The following EML4 variants were observed in gnomAD, a reference collection of about 807,000 sequenced individuals.
The protein encoded by EML4 is echinoderm microtubule-associated protein-like 4.
EML4 carries 72 observed loss-of-function variants against 129.0 expected under a neutral mutation model. The ratio of observed to expected loss-of-function variants is 0.56; its 90% CI spans 0.46 to 0.68. The LOEUF is 0.68. Ranked by LOEUF, EML4 falls within the 30% of genes least tolerant of loss-of-function variation. The pLI, the probability that EML4 is intolerant of heterozygous loss-of-function variation, is 0.00. For synonymous variants in EML4, 532 were observed against 405.0 expected, an observed-to-expected ratio of 1.31 and a Z score of -3.77; for missense variants, 1,363 against 1,190.6, an observed-to-expected ratio of 1.14 and a Z score of -2.13.
At chr2:42,254,635 C>T (rs539939154) in intron 2 of EML4, among the ~76,000 whole-genome samples, 116 of 148,664 alleles carry the variant, frequency 7.8e-4, no homozygotes, top group African/African-American at 2.6e-3. Flanking sequence ...TTTTTTTTAA[C>T]CTGAAAATAA....
At chr2:42,219,094 A>G (rs1173534605) in intron 1 of EML4, among the ~76,000 whole-genome samples, 2 of 152,248 alleles carry the variant, frequency 1.3e-5, no homozygotes, top group African/African-American at 2.4e-5. Context: ...ACTCTTGGCC[A>G]TGAAGAACCC....
intron 2 of EML4, among the ~76,000 whole-genome samples, chr2:42,252,437 C>G (rs1400390595): frequency 6.6e-6 from 1 of 152,212 alleles, no homozygotes; most frequent in Non-Finnish European, 1.5e-5. Flanking sequence ...TCTCAGACCA[C>G]TGCCCTGAAA....
At chr2:42,216,400 A>C (rs1361411859) in intron 1 of EML4, among the ~76,000 whole-genome samples, 2 of 149,868 alleles carry the variant, frequency 1.3e-5, no homozygotes, top group East Asian at 3.9e-4. Context: ...GTGCCACCAC[A>C]CCTGGCTAAT....
At chr2:42,327,966 C>G (rs1269011659) in intron 21 of EML4, among the ~76,000 whole-genome samples, 1 of 152,100 alleles carries the variant, frequency 6.6e-6, no homozygotes, top group East Asian at 1.9e-4. Flanking sequence ...AACACAAGTG[C>G]TATCAAGACA....
At chr2:42,224,750 G>A (rs1673844075) in intron 1 of EML4, among the ~76,000 whole-genome samples, 6 of 151,990 alleles carry the variant, frequency 3.9e-5, no homozygotes, top group Admixed American at 3.9e-4. Context: ...GTGTGAAGTG[G>A]CATCTCATTA....
chr2:42,191,522 A>C (rs995070118), intron 1 of EML4, among the ~76,000 whole-genome samples: 1 of 152,144 alleles, frequency 6.6e-6, no homozygotes, highest in Non-Finnish European at 1.5e-5. Flanking sequence ...CTCATTTAGA[A>C]CCAATGTTTA....
intron 17 of EML4, among the ~76,000 whole-genome samples, chr2:42,313,793 G>A (rs1014366468): frequency 2.0e-5 from 3 of 152,022 alleles, no homozygotes; most frequent in African/African-American, 4.8e-5. Context: ...TCTGGGCGTG[G>A]TGGCACACGC....
chr2:42,286,928 G>A (rs1175796220), intron 10 of EML4, among the ~76,000 whole-genome samples: 1 of 152,078 alleles, frequency 6.6e-6, no homozygotes, highest in African/African-American at 2.4e-5. Context: ...AAGTGTTGAG[G>A]CTTTATTCTA....
intron 2 of EML4, among the ~76,000 whole-genome samples, chr2:42,249,041 C>T (rs1363942532): frequency 6.6e-6 from 1 of 152,074 alleles, no homozygotes; most frequent in African/African-American, 2.4e-5. Context: ...TCGTTGAAAG[C>T]AATTGGAATT....
At chr2:42,198,521 A>C (rs1572526351) in intron 1 of EML4, among the ~76,000 whole-genome samples, 1 of 152,184 alleles carries the variant, frequency 6.6e-6, no homozygotes, top group South Asian at 2.1e-4. Flanking sequence ...TCTTATGGGC[A>C]ACATAGTGAG....
rs1670129489 is a variant in EML4 at position 42,332,035 on chromosome 2, G to GT, written c.*1829dup. 1 of 222,678 alleles carries GT rather than the reference G, an allele frequency of 4.5e-6. No individual in the cohort carries two copies. Among genetic ancestry groups the GT allele is most frequent in the Non-Finnish European group, 9.0e-6 (1 of 111,200 alleles). The allele number at this position is 222,678 out of a possible 1,614,324, so 13.8% of individuals were successfully genotyped here. A position where few individuals can be genotyped will look rare whatever the true frequency, so the allele number is the denominator to read the frequency against. On this transcript the variant is annotated 3_prime_UTR_variant, in exon 23 of 23. Transcript: ENST00000318522. ...TGTACATACTTATCGGAGCGCGCCAGTAAGTATCAGGCATATATATCTGTC... is the reference window on the plus strand; with the variant it reads ...TGTACATACTTATCGGAGCGCGCCAGTTAAGTATCAGGCATATATATCTGTC...
chr2:42,302,759 C>G (rs1668363280), intron 14 of EML4, among the ~76,000 whole-genome samples: 1 of 152,134 alleles, frequency 6.6e-6, no homozygotes, highest in Non-Finnish European at 1.5e-5. Flanking sequence ...GTCTCGAACT[C>G]CTGACCTCAG....
At chr2:42,177,791 A>G (rs77133981) in intron 1 of EML4, among the ~76,000 whole-genome samples, 17,163 of 152,186 alleles carry the variant, frequency 0.11, 1,048 homozygotes, top group Middle Eastern at 0.22. Context: ...GGTTTTTGAA[A>G]TCAGTTTAGT....
At chr2:42,171,543 A>G (rs1170437466) in intron 1 of EML4, among the ~76,000 whole-genome samples, 1 of 152,248 alleles carries the variant, frequency 6.6e-6, no homozygotes, top group Admixed American at 6.5e-5. Flanking sequence ...CGAGAGATGA[A>G]GATGAATTGC....
intron 2 of EML4, among the ~76,000 whole-genome samples, chr2:42,248,568 G>C (rs1373881897): frequency 6.6e-6 from 1 of 152,078 alleles, no homozygotes; most frequent in Admixed American, 6.6e-5. Flanking sequence ...TCTCTAAAGT[G>C]AGTCTAGGAT....
chr2:42,222,407 A>T (rs1443838025), intron 1 of EML4, among the ~76,000 whole-genome samples: 1 of 152,104 alleles, frequency 6.6e-6, no homozygotes, highest in African/African-American at 2.4e-5. Flanking sequence ...ATATTTCATG[A>T]CTCATTAAAG....
At chr2:42,304,383 T>TA (rs1668474043) in intron 16 of EML4, 101 bp from the exon 17 acceptor site, 11 of 807,276 alleles carry the variant, frequency 1.4e-5, no homozygotes, top group Non-Finnish European at 2.1e-5. Context: ...GATTGAAATG[T>TA]TATGTTTGAA....
chr2:42,330,019 C>A lies in EML4; in HGVS notation c.2758C>A (p.Pro920Thr), dbSNP rs779628494. 12 of 1,613,618 alleles carry A rather than the reference C, an allele frequency of 7.4e-6. No individual in the cohort carries two copies. The East Asian group carries it at 2.7e-4, about 36-fold the overall frequency. Reference protein sequence around the residue: ...AEEESRISSSPTLLENSLEQT... With the variant: ...AEEESRISSSTTLLENSLEQT... ...AGAGGAAAGTAGAATAAGCAGTTCT[C>A]CCACACTTCTGGAGAACAGCCTGGA... Residue 920 changes from proline (P) to threonine (T), a missense_variant, in exon 23 of 23, where the codon CCC (proline) becomes ACC (threonine). Physicochemically the swap from Pro to Thr is conservative, Grantham distance 38. Transcript: ENST00000318522.
At chr2:42,279,928 C>T (rs1200098167) in intron 6 of EML4, among the ~76,000 whole-genome samples, 1 of 152,004 alleles carries the variant, frequency 6.6e-6, no homozygotes, top group Non-Finnish European at 1.5e-5. Flanking sequence ...TTTGGAGAGA[C>T]TACAAAAGAA....
Sources: allele counts gnomAD v4.1 joint callset (sites outside exome capture counted in the v4.1 genomes callset), GRCh38; gene constraint gnomAD v4.1.1; transcripts MANE v1.5; gene names NCBI Gene and HGNC (gene_info 2026-07-23, HGNC 2026-07-21).